Variants in ENTREP2 observed in about 807,000 individuals in gnomAD.
The protein encoded by ENTREP2 is protein ENTREP2.
the ENTREP2 span, among the ~76,000 whole-genome samples, chr15:29,476,624 T>G: frequency 6.6e-6 from 1 of 152,192 alleles, no homozygotes; most frequent in Non-Finnish European, 1.5e-5. Flanking sequence ...ACCCTTGTCC[T>G]TCCTGGACAC....
chr15:29,221,949 T>A, the ENTREP2 span, among the ~76,000 whole-genome samples: 4 of 152,128 alleles, frequency 2.6e-5, no homozygotes, highest in African/African-American at 9.7e-5. Context: ...AACATTAAAT[T>A]AGGAGCTCTC....
chr15:29,173,467 G>A, the ENTREP2 span, among the ~76,000 whole-genome samples: 4 of 152,166 alleles, frequency 2.6e-5, no homozygotes, highest in East Asian at 1.9e-4. Flanking sequence ...TTTCCTCATC[G>A]CTCTGAGCCT....
At chr15:29,630,149 A>T in the ENTREP2 span, among the ~76,000 whole-genome samples, 1 of 152,156 alleles carries the variant, frequency 6.6e-6, no homozygotes, top group Non-Finnish European at 1.5e-5. Context: ...TAAAATTTTT[A>T]AAAAGAGTAA....
the ENTREP2 span, among the ~76,000 whole-genome samples, chr15:29,635,037 G>C: frequency 6.6e-6 from 1 of 152,118 alleles, no homozygotes; most frequent in Non-Finnish European, 1.5e-5. Flanking sequence ...TAGAGACGGG[G>C]TTTCACCGTG....
the ENTREP2 span, among the ~76,000 whole-genome samples, chr15:29,673,188 T>A: frequency 1.3e-5 from 2 of 152,114 alleles, no homozygotes; most frequent in African/African-American, 4.8e-5. Flanking sequence ...CACAGCTCAT[T>A]ATACTCTAAT....
the ENTREP2 span, among the ~76,000 whole-genome samples, chr15:29,336,912 G>A: frequency 6.0e-4 from 92 of 152,168 alleles, no homozygotes; most frequent in East Asian, 3.9e-4. Context: ...AGGTCCTTCC[G>A]TCCATGCTGT....
chr15:29,167,957 G>T, the ENTREP2 span, among the ~76,000 whole-genome samples: 78,295 of 151,988 alleles, frequency 0.52, 20,988 homozygotes, highest in East Asian at 0.7. Context: ...ATAAAGGAAC[G>T]GTGGTATATA....
the ENTREP2 span, among the ~76,000 whole-genome samples, chr15:29,597,059 G>A: frequency 6.7e-6 from 1 of 148,566 alleles, no homozygotes; most frequent in Admixed American, 6.8e-5. Context: ...CCAAATCCTT[G>A]TATATGCCAT....
the ENTREP2 span, among the ~76,000 whole-genome samples, chr15:29,225,168 C>A: frequency 6.6e-6 from 1 of 152,312 alleles, no homozygotes; most frequent in African/African-American, 2.4e-5. Flanking sequence ...CAGGCTCCAG[C>A]CTTGGCCAGC....
the ENTREP2 span, among the ~76,000 whole-genome samples, chr15:29,554,227 T>C: frequency 6.6e-6 from 1 of 151,686 alleles, no homozygotes; most frequent in Admixed American, 6.6e-5. Context: ...GGCAAGAGAA[T>C]TGCTTGAACC....
the ENTREP2 span, among the ~76,000 whole-genome samples, chr15:29,536,162 G>C: frequency 6.6e-6 from 1 of 152,168 alleles, no homozygotes; most frequent in African/African-American, 2.4e-5. Flanking sequence ...ACTTAGGTCT[G>C]ACCACTGAGG....
the ENTREP2 span, among the ~76,000 whole-genome samples, chr15:29,358,283 C>T: frequency 2.0e-5 from 3 of 152,022 alleles, no homozygotes; most frequent in South Asian, 2.1e-4. Flanking sequence ...CACATGAACA[C>T]GTATGAATCA....
chr15:29,438,110 G>T, the ENTREP2 span, among the ~76,000 whole-genome samples: 1 of 152,084 alleles, frequency 6.6e-6, no homozygotes, highest in Non-Finnish European at 1.5e-5. Flanking sequence ...GCCCTGGGCA[G>T]CTGTGTAGAC....
the ENTREP2 span, among the ~76,000 whole-genome samples, chr15:29,418,538 C>G: frequency 6.6e-6 from 1 of 152,174 alleles, no homozygotes; most frequent in Admixed American, 6.5e-5. Context: ...TAGGGGAATA[C>G]AGTTATATGT....
the ENTREP2 span, among the ~76,000 whole-genome samples, chr15:29,406,388 A>C: frequency 6.6e-6 from 1 of 152,104 alleles, no homozygotes; most frequent in African/African-American, 2.4e-5. Context: ...CTCTACTAAA[A>C]ATACAAAAAA....
chr15:29,169,911 G>A, the ENTREP2 span, among the ~76,000 whole-genome samples: 3 of 152,120 alleles, frequency 2.0e-5, no homozygotes, highest in Non-Finnish European at 4.4e-5. Context: ...TGGGAAGGAA[G>A]AAAAACTGTC....
chr15:29,596,821 G>T, the ENTREP2 span, among the ~76,000 whole-genome samples: 2 of 151,846 alleles, frequency 1.3e-5, no homozygotes, highest in Non-Finnish European at 2.9e-5. Flanking sequence ...GGCGCCCGCT[G>T]CCATGCCCAG....
chr15:29,340,388 C>T, the ENTREP2 span, among the ~76,000 whole-genome samples: 6 of 152,166 alleles, frequency 3.9e-5, no homozygotes, highest in East Asian at 7.7e-4. Context: ...TCAGAGGGGA[C>T]GTAGCAGGGT....
At chr15:29,144,102 C>A in the ENTREP2 span, among the ~76,000 whole-genome samples, 1 of 152,142 alleles carries the variant, frequency 6.6e-6, no homozygotes. Context: ...AGAAGAAAGT[C>A]ATGCTGAGGA....
Sources: allele counts gnomAD v4.1 joint callset (sites outside exome capture counted in the v4.1 genomes callset), GRCh38; gene constraint gnomAD v4.1.1; transcripts MANE v1.5; gene names NCBI Gene and HGNC (gene_info 2026-07-23, HGNC 2026-07-21).